Variants in ZFPM2 observed in about 807,000 individuals in gnomAD.
ZFPM2 encodes the protein zinc finger protein, FOG family member 2.
A neutral mutation model predicts 98.6 loss-of-function variants in ZFPM2; 20 were observed. The observed-to-expected ratio is 0.20, with a 90% CI of 0.14 to 0.29. The LOEUF (loss-of-function observed/expected upper bound fraction) is 0.29, where lower values mean the gene tolerates loss of function less well. Among genes scored for constraint, ZFPM2 ranks in the 10% least tolerant of loss-of-function variants. ZFPM2 has a pLI of 1.00. For synonymous variants in ZFPM2, 518 were observed against 502.7 expected (o/e 1.03, Z -0.41); for missense variants, 1,310 against 1,388.6 (o/e 0.94, Z 0.90).
At chr8:105,764,256 ACT>A (rs374233678) in intron 5 of ZFPM2, among the ~76,000 whole-genome samples, 13 of 143,922 alleles carry the variant, frequency 9.0e-5, no homozygotes, top group Admixed American at 3.6e-4. Context: ...AAGGTTTAAA[ACT>A]CTCTCTCTCT....
At chr8:105,342,385 G>C (rs1460815932) in intron 1 of ZFPM2, among the ~76,000 whole-genome samples, 1 of 151,970 alleles carries the variant, frequency 6.6e-6, no homozygotes, top group Non-Finnish European at 1.5e-5. Context: ...TGCTCTAGGA[G>C]AACTCTTGAA....
intron 1 of ZFPM2, among the ~76,000 whole-genome samples, chr8:105,397,588 A>G (rs1026446424): frequency 6.6e-6 from 1 of 152,174 alleles, no homozygotes; most frequent in Non-Finnish European, 1.5e-5. Flanking sequence ...AGTATTTAAT[A>G]GAGCTACTGA....
intron 5 of ZFPM2, among the ~76,000 whole-genome samples, chr8:105,688,880 A>C (rs1428527213): frequency 6.6e-6 from 1 of 152,336 alleles, no homozygotes; most frequent in Middle Eastern, 3.4e-3. Context: ...TTGTATTAAT[A>C]TAGCAGCTTT....
chr8:105,678,798 A>G (rs1271384731), intron 5 of ZFPM2: 1 of 152,214 alleles, frequency 6.6e-6, no homozygotes. Context: ...CTGTGAAATA[A>G]TCTGCACAGC....
At chr8:105,439,552 T>C (rs2130184319) in intron 2 of ZFPM2, among the ~76,000 whole-genome samples, 1 of 152,298 alleles carries the variant, frequency 6.6e-6, no homozygotes, top group Non-Finnish European at 1.5e-5. Context: ...GAAGCACTTA[T>C]TGCTGGAACA....
At chr8:105,779,461 C>T (rs1397365667) in intron 5 of ZFPM2, among the ~76,000 whole-genome samples, 2 of 152,046 alleles carry the variant, frequency 1.3e-5, no homozygotes, top group East Asian at 1.9e-4. Context: ...TATTTTTCAG[C>T]GTGCTATGTA....
At chr8:105,545,685 A>G (rs1426699754) in intron 3 of ZFPM2, among the ~76,000 whole-genome samples, 1 of 152,158 alleles carries the variant, frequency 6.6e-6, no homozygotes, top group Non-Finnish European at 1.5e-5. Flanking sequence ...ACTCAATATA[A>G]TGTCTGCTAT....
At chr8:105,718,547 T>A (rs1811579490) in intron 5 of ZFPM2, among the ~76,000 whole-genome samples, 1 of 151,124 alleles carries the variant, frequency 6.6e-6, no homozygotes, top group Admixed American at 6.6e-5. Flanking sequence ...TTTGAAAGGG[T>A]TTTTGCAAGT....
intron 4 of ZFPM2, among the ~76,000 whole-genome samples, chr8:105,583,407 T>C (rs1815644512): frequency 6.6e-6 from 1 of 152,156 alleles, no homozygotes; most frequent in Admixed American, 6.6e-5. Flanking sequence ...TTTTTAAAAA[T>C]TTCTAAGCTT....
chr8:105,387,112 G>C (rs1311472622), intron 1 of ZFPM2: 1 of 152,408 alleles, frequency 6.6e-6, no homozygotes, highest in Non-Finnish European at 1.5e-5. Flanking sequence ...GTGTGGATTG[G>C]TGCATTCACA....
chr8:105,470,647 A>G (rs1363998323), intron 3 of ZFPM2, among the ~76,000 whole-genome samples: 1 of 152,126 alleles, frequency 6.6e-6, no homozygotes, highest in Non-Finnish European at 1.5e-5. Context: ...GAGTGGTGGC[A>G]CATGCCTGTA....
At chr8:105,740,582 A>T (rs1812190031) in intron 5 of ZFPM2, among the ~76,000 whole-genome samples, 1 of 148,296 alleles carries the variant, frequency 6.7e-6, no homozygotes, top group Admixed American at 6.8e-5. Context: ...TGTATATATA[A>T]AATTATTTTA....
chr8:105,615,648 A>G (rs1422372236), intron 4 of ZFPM2, among the ~76,000 whole-genome samples: 2 of 152,138 alleles, frequency 1.3e-5, no homozygotes, highest in African/African-American at 4.8e-5. Flanking sequence ...TAAAAGGCTG[A>G]GAAACACTGG....
chr8:105,560,163 C>G (rs1236060870), intron 3 of ZFPM2, among the ~76,000 whole-genome samples: 2 of 128,752 alleles, frequency 1.6e-5, no homozygotes, highest in African/African-American at 6.4e-5. Context: ...GAGCGAAACT[C>G]TGTCTCAAAA....
intron 1 of ZFPM2, among the ~76,000 whole-genome samples, chr8:105,352,825 A>ATGCCTGCCTGCC (rs920677380): frequency 6.6e-6 from 1 of 151,864 alleles, no homozygotes; most frequent in Non-Finnish European, 1.5e-5. Flanking sequence ...CCTTATCTGT[A>ATGCCTGCCTGCC]TGCCTGCCTG....
At chr8:105,615,411 A>G (rs1425708638) in intron 4 of ZFPM2, among the ~76,000 whole-genome samples, 1 of 152,180 alleles carries the variant, frequency 6.6e-6, no homozygotes, top group Non-Finnish European at 1.5e-5. Context: ...GGGAAAATTC[A>G]TTTTGATGTG....
chr8:105,798,928 T>G lies in ZFPM2; in HGVS notation c.944T>G (p.Met315Arg), dbSNP rs1813918667. ...KSFSNARALE[M>R]HLNSHSGVKM... ...TTTTCAAATGCTCGAGCTCTAGAAA[T>G]GCACCTGAATTCACACAGTGGTAAA... The change falls in exon 7 of 8, where the codon ATG becomes AGG. Residue 315 changes from methionine (M) to arginine (R), a missense_variant. Transcript: ENST00000407775. The G allele has an allele frequency of 1.9e-6, 3 of 1,613,862 alleles. No homozygotes were observed. Among genetic ancestry groups the G allele is most frequent in the Non-Finnish European group, 2.5e-6 (3 of 1,179,744 alleles).
chr8:105,784,920 C>T (rs1813367216), intron 5 of ZFPM2: 2 of 145,930 alleles, frequency 1.4e-5, no homozygotes, highest in Admixed American at 6.6e-5. Flanking sequence ...CATCTAAAAA[C>T]TCAGCCAAAC....
At chr8:105,800,978 A>G (rs1240457837) in intron 7 of ZFPM2, 69 bp from the exon 8 acceptor site, 2 of 1,425,306 alleles carry the variant, frequency 1.4e-6, no homozygotes, top group Non-Finnish European at 1.9e-6. Context: ...AGGTCATTAG[A>G]AAAGGTCCCT....
Sources: gnomAD v4.1 joint callset for allele counts (sites outside exome capture counted in the v4.1 genomes callset) on GRCh38, gnomAD v4.1.1 for gene constraint, MANE v1.5 for transcripts, NCBI Gene and HGNC (gene_info 2026-07-23, HGNC 2026-07-21) for gene names.